Variants in MARK4 observed in about 807,000 individuals in gnomAD.
The protein encoded by MARK4 is microtubule affinity regulating kinase 4, also known as MAP/microtubule affinity-regulating kinase 4.
In MARK4, 19 loss-of-function variants were observed where a neutral mutation model predicts 81.5. The ratio of observed to expected loss-of-function variants is 0.23; its 90% CI spans 0.16 to 0.34. The LOEUF is 0.34. Ranked by LOEUF, MARK4 falls within the 10% of genes least tolerant of loss-of-function variation. The pLI is 1.00. For missense variants in MARK4, 772 were observed against 1,058.8 expected (o/e 0.73, Z 3.76); for synonymous variants, 436 against 439.0 (o/e 0.99, Z 0.08).
intron 1 of MARK4, among the ~76,000 whole-genome samples, chr19:45,253,191 A>C (rs345417): frequency 0.27 from 38,495 of 144,874 alleles, 5,290 homozygotes; most frequent in Non-Finnish European, 0.3. Flanking sequence ...AGACCCCCCC[A>C]CACACACACA....
At chr19:45,262,925 T>A in intron 2 of MARK4, 188 bp from the exon 3 acceptor site, 1 of 600,962 alleles carries the variant, frequency 1.7e-6, no homozygotes, top group South Asian at 1.9e-5. Context: ...CTACCACACC[T>A]GGCTAATTTT....
chr19:45,267,459 GCCT>G (rs1970470692), intron 7 of MARK4, among the ~76,000 whole-genome samples: 1 of 152,196 alleles, frequency 6.6e-6, no homozygotes, highest in Non-Finnish European at 1.5e-5. Flanking sequence ...GAGCCAGGCA[GCCT>G]CCTCGAGTAC....
intron 7 of MARK4, among the ~76,000 whole-genome samples, chr19:45,270,222 C>A (rs1313801833): frequency 1.3e-5 from 2 of 152,176 alleles, no homozygotes; most frequent in Non-Finnish European, 2.9e-5. Context: ...GTGTCGAGAT[C>A]ACCCTCAGTT....
At chr19:45,253,688 A>T (rs1053314977) in intron 1 of MARK4, among the ~76,000 whole-genome samples, 2 of 152,126 alleles carry the variant, frequency 1.3e-5, no homozygotes, top group Non-Finnish European at 2.9e-5. Flanking sequence ...CGGGTTGATG[A>T]TGGCCCCCCA....
intron 7 of MARK4, among the ~76,000 whole-genome samples, chr19:45,267,861 C>A (rs1970476051): frequency 6.6e-6 from 1 of 152,020 alleles, no homozygotes; most frequent in Non-Finnish European, 1.5e-5. Flanking sequence ...GGATCTCACT[C>A]TGTTGTCCAG....
chr19:45,259,206 G>T lies in MARK4; in HGVS notation c.252+17G>T, dbSNP rs754448246. On this transcript the variant is annotated intron_variant, in intron 2 of 16. Coordinates refer to ENST00000262891, the MANE Select transcript of MARK4 (RefSeq NM_001199867.2). ...GGTCGGGAGGTGAGTATGGGCACAG[G>T]GTGGGGCTCGGGGCAGGTCCCTGTG... The T allele has an allele frequency of 5.6e-6, 9 of 1,612,776 alleles. No homozygotes were observed. In the East Asian group the frequency reaches 2.0e-4, roughly 36 times the overall value.
At chr19:45,289,185 C>G (rs1381957227) in intron 13 of MARK4, among the ~76,000 whole-genome samples, 1 of 151,758 alleles carries the variant, frequency 6.6e-6, no homozygotes, top group Non-Finnish European at 1.5e-5. Context: ...GTCAAGAGAT[C>G]GAGACCACCT....
At position 45,304,629 on chromosome 19, in the gene MARK4, A is replaced by G. The variant is rs748776525; in HGVS notation, c.*1919A>G. On this transcript the variant is annotated 3_prime_UTR_variant, in exon 17 of 17. Transcript: ENST00000262891. ...CCTCTGTGCTGGGGACACAGTGGTA[A>G]TCAAGACAGCCCCAACACTGCCCTC... 3.3e-5 allele frequency: 5 copies of G among 152,174 alleles called. No individual in the cohort carries two copies. Among genetic ancestry groups the G allele is most frequent in the Non-Finnish European group, 5.9e-5 (4 of 68,066 alleles). The allele number at this position is 152,174 out of a possible 1,614,324, so 9.4% of individuals were successfully genotyped here.
intron 13 of MARK4, among the ~76,000 whole-genome samples, chr19:45,292,218 G>A (rs888501491): frequency 6.6e-6 from 1 of 152,030 alleles, no homozygotes; most frequent in Non-Finnish European, 1.5e-5. Flanking sequence ...TGGGAGGATT[G>A]CTTGAGGCCA....
rs565020854 is a variant in MARK4 at position 45,257,602 on chromosome 19, T to C, written c.52-1387T>C. Among the ~76,000 whole-genome samples, 49 of 152,174 alleles carry C rather than the reference T, an allele frequency of 3.2e-4. No homozygotes were observed. In the South Asian group the frequency reaches 9.7e-3, roughly 30 times the overall value. On this transcript the variant is annotated intron_variant, in intron 1 of 16. Coordinates refer to ENST00000262891, the MANE Select transcript of MARK4 (RefSeq NM_001199867.2). ...TTTCCCCGTGTTGGCCAGGCAAGTTTCACACTCTGACCTCAGGTGATCCAC... is the reference window on the plus strand; with the variant it reads ...TTTCCCCGTGTTGGCCAGGCAAGTTCCACACTCTGACCTCAGGTGATCCAC...
rs1970692711 is a variant in MARK4, at chr19:45,282,760, G to A, written c.1276+2026G>A. 1.3e-5 allele frequency among the ~76,000 whole-genome samples: 2 copies of A among 152,102 alleles called. 1 individual carries two copies. Among genetic ancestry groups the A allele is most frequent in the African/African-American group, 4.8e-5 (2 of 41,400 alleles). ...AATTGCTTGAACCTGGGAGGTGGAGGTTGCAGTGAGCCGAGATCACGCCAC... is the reference window on the plus strand; with the variant it reads ...AATTGCTTGAACCTGGGAGGTGGAGATTGCAGTGAGCCGAGATCACGCCAC... On this transcript the variant is annotated intron_variant, in intron 12 of 16. Coordinates refer to ENST00000262891, the MANE Select transcript of MARK4 (RefSeq NM_001199867.2).
chr19:45,276,779 C>T (rs955016847), intron 8 of MARK4, among the ~76,000 whole-genome samples: 1 of 151,700 alleles, frequency 6.6e-6, no homozygotes, highest in Admixed American at 6.6e-5. Flanking sequence ...GGGTCTGCTA[C>T]CACACCCAGC....
At chr19:45,268,021 C>A (rs1970478120) in intron 7 of MARK4, among the ~76,000 whole-genome samples, 3 of 152,122 alleles carry the variant, frequency 2.0e-5, no homozygotes, top group Non-Finnish European at 4.4e-5. Flanking sequence ...GTCTCAATCT[C>A]CTGACCTTGG....
intron 15 of MARK4, among the ~76,000 whole-genome samples, chr19:45,298,678 G>A (rs1026430193): frequency 6.6e-6 from 1 of 152,012 alleles, no homozygotes; most frequent in Non-Finnish European, 1.5e-5. Context: ...CTCCTGCCCT[G>A]GCAGACCCAA....
intron 8 of MARK4, among the ~76,000 whole-genome samples, chr19:45,275,772 C>T (rs138609260): frequency 2.6e-5 from 4 of 152,330 alleles, no homozygotes; most frequent in Non-Finnish European, 4.4e-5. Flanking sequence ...GCGTTATAAC[C>T]GGGCTTCGCG....
At chr19:45,257,352 G>A (rs12985921) in intron 1 of MARK4, among the ~76,000 whole-genome samples, 65,489 of 149,694 alleles carry the variant, frequency 0.44, 15,651 homozygotes, top group Non-Finnish European at 0.54. Context: ...TCAGTAGACT[G>A]CAGTATGATG....
intron 7 of MARK4, among the ~76,000 whole-genome samples, chr19:45,268,727 A>G (rs1231331319): frequency 6.6e-6 from 1 of 152,176 alleles, no homozygotes; most frequent in Non-Finnish European, 1.5e-5. Context: ...CCTGGGTAAC[A>G]GAGCAAAACC....
chr19:45,288,843 C>CT (rs1970783288), intron 13 of MARK4, among the ~76,000 whole-genome samples: 1 of 91,816 alleles, frequency 1.1e-5, no homozygotes, highest in Admixed American at 1.0e-4. Context: ...GAGCAAGACT[C>CT]TGTCTCAAAA....
chr19:45,285,261 CAAA>C (rs71173139), intron 12 of MARK4, among the ~76,000 whole-genome samples: 1 of 57,112 alleles, frequency 1.8e-5, no homozygotes, highest in African/African-American at 6.6e-5. Flanking sequence ...TGCCGTGTCT[CAAA>C]AAAAAAAAAA....
Sources: gnomAD v4.1 joint callset for allele counts (sites outside exome capture counted in the v4.1 genomes callset) on GRCh38, gnomAD v4.1.1 for gene constraint, MANE v1.5 for transcripts, NCBI Gene and HGNC (gene_info 2026-07-23, HGNC 2026-07-21) for gene names.